PRKCZ: variants seen among roughly 807,000 people sequenced by gnomAD.
The protein encoded by PRKCZ is protein kinase C zeta.
PRKCZ carries 33 observed loss-of-function variants against 79.5 expected under a neutral mutation model. The observed-to-expected ratio is 0.41, with a 90% CI of 0.31 to 0.55. The LOEUF is 0.55. PRKCZ is among the 20% of genes least tolerant of loss of function. The probability of loss-of-function intolerance (pLI) is 0.19; values close to 1 mark genes in which losing one functional copy is unlikely to be tolerated. For synonymous variants in PRKCZ, 342 were observed against 320.9 expected, an observed-to-expected ratio of 1.07 and a Z score of -0.70; for missense variants, 578 against 813.5, an observed-to-expected ratio of 0.71 and a Z score of 3.52.
At chr1:2,056,598 C>T in intron 3 of PRKCZ, 25 bp downstream of exon 3, 1 of 1,601,100 alleles carries the variant, frequency 6.2e-7, no homozygotes, top group Non-Finnish European at 8.5e-7. Context: ...CTGTGGTGGG[C>T]AGCTCTGGGG....
chr1:2,172,456 C>T lies in PRKCZ; in HGVS notation c.1285+68C>T. 6.7e-7 allele frequency: 1 copy of T among 1,492,620 alleles called. No homozygotes were observed. The highest frequency in any genetic ancestry group is 1.2e-5 in the South Asian group (1 of 80,026). 92.5% of individuals were successfully genotyped at this position (1,492,620 alleles called of 1,614,324 possible). ...AGAGATGGCTTCGGGCCTGGCCCAG[C>T]AGCCAGGGAGAGGTGTCCTTGACCA... On this transcript the variant is annotated intron_variant, in intron 13 of 17. Coordinates refer to ENST00000378567, the MANE Select transcript of PRKCZ (RefSeq NM_002744.6). This position sits in a 1 kb window ranked among gnomAD's most constrained non-coding sequence, Gnocchi z 7.8.
At chr1:2,160,746 C>G (rs1379015840) in intron 10 of PRKCZ, among the ~76,000 whole-genome samples, 4 of 152,080 alleles carry the variant, frequency 2.6e-5, no homozygotes, top group Non-Finnish European at 5.9e-5. Context: ...GGGAGTCACC[C>G]CGGTTCGCAG....
intron 4 of PRKCZ, among the ~76,000 whole-genome samples, chr1:2,091,747 G>T (rs746005547): frequency 6.6e-6 from 1 of 152,160 alleles, no homozygotes; most frequent in African/African-American, 2.4e-5. Flanking sequence ...TGACCTGCAC[G>T]CACCGTGTGA....
chr1:2,085,630 G>A (rs1238086447), intron 4 of PRKCZ, among the ~76,000 whole-genome samples: 4 of 151,188 alleles, frequency 2.6e-5, no homozygotes, highest in Non-Finnish European at 5.9e-5. Flanking sequence ...GCACCGTGCT[G>A]GAGGGGCTGA....
In PRKCZ at chr1:2,073,528, C is replaced by T. The variant is rs958519759; in HGVS notation, c.334+13937C>T. 8 of 733,952 alleles carry T rather than the reference C, an allele frequency of 1.1e-5. No individual in the cohort carries two copies. The African/African-American group carries it at 1.5e-4, about 14-fold the overall frequency. The allele number at this position is 733,952 out of a possible 1,614,324, so 45.5% of individuals were successfully genotyped here. ...TGTTCTGATGTCGCATTTTCAAGGTCCGCTGAGTCCGAGCCCTGCCTGGGT... is the reference window on the plus strand; with the variant it reads ...TGTTCTGATGTCGCATTTTCAAGGTTCGCTGAGTCCGAGCCCTGCCTGGGT... On this transcript the variant is annotated intron_variant, in intron 4 of 17. Coordinates refer to ENST00000378567, the MANE Select transcript of PRKCZ (RefSeq NM_002744.6).
chr1:2,146,796 C>T (rs1186227907), intron 7 of PRKCZ, among the ~76,000 whole-genome samples: 1 of 152,160 alleles, frequency 6.6e-6, no homozygotes, highest in African/African-American at 2.4e-5. Flanking sequence ...CACACAGTGC[C>T]TCACGCAAAA....
chr1:2,091,663 C>T (rs552344269), intron 4 of PRKCZ, among the ~76,000 whole-genome samples: 12 of 152,264 alleles, frequency 7.9e-5, no homozygotes, highest in Admixed American at 2.6e-4. Flanking sequence ...TTTGGAGAAA[C>T]GTCTGCACAG....
intron 10 of PRKCZ, among the ~76,000 whole-genome samples, chr1:2,158,772 C>T (rs572298981): frequency 6.6e-6 from 1 of 152,350 alleles, no homozygotes; most frequent in African/African-American, 2.4e-5. Context: ...TTGGACTCTT[C>T]TGTCAAGTCA....
intron 4 of PRKCZ, chr1:2,074,204 A>T (rs1440781270): frequency 1.3e-6 from 2 of 1,550,314 alleles, no homozygotes; most frequent in Non-Finnish European, 1.7e-6. Flanking sequence ...TTTTAGAAAA[A>T]TAAGGCTGTG....
At chr1:2,169,083 A>G in intron 10 of PRKCZ, 1 of 452,976 alleles carries the variant, frequency 2.2e-6, no homozygotes, top group South Asian at 1.6e-5. Context: ...CAGCAATGAA[A>G]TCAGGCCTTG....
rs1572013342 is a variant in PRKCZ, at chr1:2,175,447, A to G, written c.1575+134A>G. On this transcript the variant is annotated intron_variant, in intron 16 of 17. Transcript: ENST00000378567. ...CCATCCGAACCCCAATATCCATCCCAACCCCAAATTCATCCAACCCTCACC... is the reference window on the plus strand; with the variant it reads ...CCATCCGAACCCCAATATCCATCCCGACCCCAAATTCATCCAACCCTCACC... 3 of 625,334 alleles carry G rather than the reference A, an allele frequency of 4.8e-6. No individual in the cohort carries two copies. The East Asian group carries it at 9.4e-5, about 20-fold the overall frequency. 38.7% of individuals were successfully genotyped at this position (625,334 alleles called of 1,614,324 possible).
Position 2,135,357 on chromosome 1 carries a change from C to T in PRKCZ, c.420+10C>T, listed in dbSNP as rs374060924. 3 of 1,600,180 alleles carry T rather than the reference C, an allele frequency of 1.9e-6. No homozygotes were observed. Among genetic ancestry groups the T allele is most frequent in the African/African-American group, 2.7e-5 (2 of 74,462 alleles). ...CAAGCGCTTTAACAGGGTGAGTGGC[C>T]CCCTTGGGACTAGTCCCTCAAGGGG... On this transcript the variant is annotated intron_variant, in intron 5 of 17. Coordinates refer to ENST00000378567, the MANE Select transcript of PRKCZ (RefSeq NM_002744.6).
intron 4 of PRKCZ, among the ~76,000 whole-genome samples, chr1:2,100,971 TCTGA>T (rs1489304490): frequency 2.6e-5 from 4 of 151,436 alleles, no homozygotes; most frequent in Non-Finnish European, 5.9e-5. Flanking sequence ...TCGTCCTGTG[TCTGA>T]CTTTCTCTAT....
chr1:2,113,657 T>G (rs1255165794), intron 4 of PRKCZ, among the ~76,000 whole-genome samples: 1 of 152,160 alleles, frequency 6.6e-6, no homozygotes, highest in Non-Finnish European at 1.5e-5. Context: ...TTGTCTTTCC[T>G]CATGATGCAC....
At chr1:2,151,066 C>G (rs9442619) in intron 9 of PRKCZ, 88 bp downstream of exon 9, 8 of 1,439,782 alleles carry the variant, frequency 5.6e-6, no homozygotes, top group Non-Finnish European at 6.6e-6. Flanking sequence ...AATCCATGCA[C>G]GAGAGACCTA....
rs544975144 is a variant in PRKCZ at position 2,094,412 on chromosome 1, G to A, written c.334+34821G>A. ...CTGAGGCGCCCGCTGTGCCCGGCTCGTTGAACCTTGGGCGCTGCCCGTTCT... is the reference window on the plus strand; with the variant it reads ...CTGAGGCGCCCGCTGTGCCCGGCTCATTGAACCTTGGGCGCTGCCCGTTCT... On this transcript the variant is annotated intron_variant, in intron 4 of 17. Transcript: ENST00000378567. The surrounding 1 kb of genome is among the most constrained non-coding windows in gnomAD (Gnocchi z 7.3). 4.6e-4 allele frequency among the ~76,000 whole-genome samples: 70 copies of A among 151,516 alleles called. No homozygotes were observed. The highest frequency in any genetic ancestry group is 3.4e-3 in the Middle Eastern group (1 of 292).
intron 16 of PRKCZ, among the ~76,000 whole-genome samples, chr1:2,181,003 G>A (rs1686493721): frequency 2.0e-5 from 3 of 152,188 alleles, no homozygotes; most frequent in Non-Finnish European, 4.4e-5. Context: ...GCCCTGCCCA[G>A]CACGTGGGGC....
rs189545993 is a variant in PRKCZ at position 2,148,224 on chromosome 1, C to T, written c.635-648C>T. ...CATCTTTCCGTCTGTTGTCCACTGACCTCTCCGTCTATCCATCTATCTGTT... is the reference window on the plus strand; with the variant it reads ...CATCTTTCCGTCTGTTGTCCACTGATCTCTCCGTCTATCCATCTATCTGTT... On this transcript the variant is annotated intron_variant, in intron 7 of 17. Transcript: ENST00000378567. Among the ~76,000 whole-genome samples, 355 of 151,948 alleles carry T rather than the reference C, an allele frequency of 2.3e-3. 1 individual carries two copies. Among genetic ancestry groups the T allele is most frequent in the African/African-American group, 8.0e-3 (332 of 41,426 alleles).
intron 1 of PRKCZ, among the ~76,000 whole-genome samples, chr1:2,053,780 G>A (rs1035809740): frequency 4.3e-4 from 66 of 152,250 alleles, no homozygotes; most frequent in African/African-American, 1.5e-3. Flanking sequence ...CTCCAGGTCA[G>A]GCAGCAGGCG....
Sources: gnomAD v4.1 joint callset for allele counts (sites outside exome capture counted in the v4.1 genomes callset) on GRCh38, gnomAD v4.1.1 for gene constraint, Gnocchi (gnomAD v3.1) non-coding constraint, MANE v1.5 for transcripts, NCBI Gene and HGNC (gene_info 2026-07-23, HGNC 2026-07-21) for gene names.